The following NOL4 variants were observed in gnomAD, a reference collection of about 807,000 sequenced individuals.
NOL4 encodes the protein nucleolar protein 4, also known as cancer/testis antigen 125.
In NOL4, 17 loss-of-function variants were observed where a neutral mutation model predicts 75.9. That is an observed-to-expected ratio of 0.22 (90% CI 0.15 to 0.34). NOL4 has a LOEUF of 0.34. NOL4 is among the 10% of genes least tolerant of loss of function. The pLI, the probability that NOL4 is intolerant of heterozygous loss-of-function variation, is 1.00. For synonymous variants in NOL4, 292 were observed against 289.9 expected, an observed-to-expected ratio of 1.01 and a Z score of -0.07; for missense variants, 614 against 793.5, an observed-to-expected ratio of 0.77 and a Z score of 2.72.
At chr18:34,216,624 T>C (rs2036908652) in intron 1 of NOL4, among the ~76,000 whole-genome samples, 1 of 147,896 alleles carries the variant, frequency 6.8e-6, no homozygotes, top group African/African-American at 2.5e-5. Context: ...ATGAATATAA[T>C]AAATTATAAT....
At chr18:34,069,192 A>C (rs1279930609) in intron 5 of NOL4, among the ~76,000 whole-genome samples, 4 of 152,190 alleles carry the variant, frequency 2.6e-5, no homozygotes, top group Non-Finnish European at 5.9e-5. Context: ...GGAAAATTAG[A>C]AACTCTAAGA....
intron 8 of NOL4, among the ~76,000 whole-genome samples, chr18:33,948,682 T>C (rs2069002209): frequency 6.6e-6 from 1 of 152,036 alleles, no homozygotes; most frequent in Non-Finnish European, 1.5e-5. Context: ...CTCCACATTA[T>C]GGAGTAGTTT....
chr18:33,933,551 T>C (rs2067844063), intron 9 of NOL4, among the ~76,000 whole-genome samples: 1 of 152,178 alleles, frequency 6.6e-6, no homozygotes, highest in Admixed American at 6.6e-5. Flanking sequence ...TTAGTTTATA[T>C]AATGTTTTTA....
intron 5 of NOL4, among the ~76,000 whole-genome samples, chr18:34,083,938 T>G (rs1690501787): frequency 6.6e-6 from 1 of 152,174 alleles, no homozygotes; most frequent in South Asian, 2.1e-4. Flanking sequence ...TACTGCGGTT[T>G]GTTGGGGGTT....
intron 10 of NOL4, among the ~76,000 whole-genome samples, chr18:33,880,272 T>C (rs975879653): frequency 2.0e-5 from 3 of 151,456 alleles, no homozygotes; most frequent in Admixed American, 6.6e-5. Flanking sequence ...ATCTTTTTAC[T>C]TTTTTATGGT....
At chr18:34,161,560 C>T (rs907611458) in intron 1 of NOL4, among the ~76,000 whole-genome samples, 7 of 152,028 alleles carry the variant, frequency 4.6e-5, no homozygotes, top group Admixed American at 3.3e-4. Flanking sequence ...ATGTTATCTC[C>T]TGTAGGTTCT....
chr18:33,927,623 A>T (rs556887427), intron 9 of NOL4, among the ~76,000 whole-genome samples: 1 of 152,342 alleles, frequency 6.6e-6, no homozygotes, highest in Admixed American at 6.5e-5. Context: ...AATTTGAAAA[A>T]TGTATAAGGA....
intron 8 of NOL4, among the ~76,000 whole-genome samples, chr18:33,943,891 A>AT (rs2068664584): frequency 6.6e-6 from 1 of 151,898 alleles, no homozygotes; most frequent in South Asian, 2.1e-4. Context: ...TTCTCCAACT[A>AT]AGCTCATGAT....
rs1261245993 is a variant in NOL4 at position 33,862,848 on chromosome 18, T to C, written c.1724-9813A>G. Among the ~76,000 whole-genome samples, 5 of 152,344 alleles carry C rather than the reference T, an allele frequency of 3.3e-5. No individual in the cohort carries two copies. The East Asian group carries it at 9.7e-4, about 29-fold the overall frequency. On this transcript the variant is annotated intron_variant, in intron 10 of 10. Transcript: ENST00000261592. Reference sequence around the variant, plus strand: ...GGACTGTAAACTAGTTCAACCATTGTGGAAGTCAGTGTGGTGATTCCTCAG... The same window carrying C: ...GGACTGTAAACTAGTTCAACCATTGCGGAAGTCAGTGTGGTGATTCCTCAG...
intron 1 of NOL4, among the ~76,000 whole-genome samples, chr18:34,187,285 T>G (rs946440502): frequency 6.6e-6 from 1 of 152,088 alleles, no homozygotes; most frequent in Non-Finnish European, 1.5e-5. Context: ...TCATACATCA[T>G]GTAACCTTTT....
intron 10 of NOL4, among the ~76,000 whole-genome samples, chr18:33,873,891 T>C (rs2063810466): frequency 6.6e-6 from 1 of 151,656 alleles, no homozygotes; most frequent in South Asian, 2.1e-4. Flanking sequence ...AGCCAGAAAA[T>C]TAGTGAGGTA....
chr18:34,174,606 C>T (rs972764079), intron 1 of NOL4, among the ~76,000 whole-genome samples: 1 of 151,800 alleles, frequency 6.6e-6, no homozygotes, highest in African/African-American at 2.4e-5. Context: ...TAGATAGATG[C>T]CATGGTGGTT....
intron 6 of NOL4, among the ~76,000 whole-genome samples, chr18:33,959,309 AAAAT>A (rs370374342): frequency 3.0e-4 from 46 of 152,256 alleles, no homozygotes; most frequent in African/African-American, 1.1e-3. Context: ...GGGGCTGTTT[AAAAT>A]AAATAAACTG....
chr18:34,103,535 T>C (rs2079134819), intron 4 of NOL4, among the ~76,000 whole-genome samples: 1 of 152,010 alleles, frequency 6.6e-6, no homozygotes, highest in African/African-American at 2.4e-5. Context: ...AGATTGTCTC[T>C]AGGAAATGCA....
chr18:33,948,593 C>T (rs1251053610), intron 8 of NOL4, among the ~76,000 whole-genome samples: 1 of 151,934 alleles, frequency 6.6e-6, no homozygotes, highest in African/African-American at 2.4e-5. Context: ...CTCAGTCATC[C>T]TGCTAGGTAT....
At chr18:34,210,283 G>A (rs983154032) in intron 1 of NOL4, among the ~76,000 whole-genome samples, 1 of 152,152 alleles carries the variant, frequency 6.6e-6, no homozygotes, top group Non-Finnish European at 1.5e-5. Flanking sequence ...AAAGTAGAAT[G>A]GGAAGTTAGT....
chr18:33,912,390 C>A (rs940469852), intron 9 of NOL4, among the ~76,000 whole-genome samples: 7 of 151,966 alleles, frequency 4.6e-5, no homozygotes, highest in African/African-American at 1.7e-4. Context: ...ATAGATAGGA[C>A]AAATTTTCTA....
intron 5 of NOL4, among the ~76,000 whole-genome samples, chr18:34,083,904 A>T (rs1312977787): frequency 6.6e-6 from 1 of 152,184 alleles, no homozygotes; most frequent in Non-Finnish European, 1.5e-5. Context: ...TTCTTTTAGC[A>T]GTCAGGCCCT....
chr18:33,979,175 G>A (rs968876743), intron 6 of NOL4, among the ~76,000 whole-genome samples: 1 of 151,948 alleles, frequency 6.6e-6, no homozygotes, highest in Non-Finnish European at 1.5e-5. Flanking sequence ...AACCTTAGAA[G>A]GAAGACTCAA....
Sources: allele counts gnomAD v4.1 joint callset (sites outside exome capture counted in the v4.1 genomes callset), GRCh38; gene constraint gnomAD v4.1.1; transcripts MANE v1.5; gene names NCBI Gene and HGNC (gene_info 2026-07-23, HGNC 2026-07-21).